ST18: variants seen among roughly 807,000 people sequenced by gnomAD.
The protein encoded by ST18 is suppression of tumorigenicity 18 protein.
Under a neutral mutation model 110.0 loss-of-function variants are expected in ST18, and 50 were observed. The observed-to-expected ratio is 0.45, with a 90% confidence interval of 0.36 to 0.58. ST18 has a LOEUF of 0.58. Ranked by LOEUF, ST18 falls within the 20% of genes least tolerant of loss-of-function variation. The probability of loss-of-function intolerance (pLI) is 0.00; values close to 1 mark genes in which losing one functional copy is unlikely to be tolerated. For synonymous variants in ST18, 461 were observed against 452.4 expected (o/e 1.02, Z -0.24); for missense variants, 1,306 against 1,280.1 (o/e 1.02, Z -0.31).
intron 2 of ST18, among the ~76,000 whole-genome samples, chr8:52,385,310 T>C (rs553362169): frequency 6.6e-6 from 1 of 152,156 alleles, no homozygotes; most frequent in East Asian, 1.9e-4. Flanking sequence ...GCATGAGAGA[T>C]GAAACGACAA....
At chr8:52,300,469 C>T (rs559239443) in intron 2 of ST18, among the ~76,000 whole-genome samples, 25 of 152,218 alleles carry the variant, frequency 1.6e-4, no homozygotes, top group South Asian at 4.2e-4. Flanking sequence ...CATATTTAAG[C>T]GGTTCACTCT....
chr8:52,321,908 C>A (rs886483921), intron 2 of ST18, among the ~76,000 whole-genome samples: 4 of 152,150 alleles, frequency 2.6e-5, no homozygotes, highest in African/African-American at 9.7e-5. Context: ...AGTCTTTACC[C>A]ACTAAACAGA....
chr8:52,281,945 C>T (rs2095386933), intron 2 of ST18, among the ~76,000 whole-genome samples: 1 of 152,190 alleles, frequency 6.6e-6, no homozygotes, highest in Non-Finnish European at 1.5e-5. Context: ...GTACAACGTA[C>T]ACTGCTTAGA....
chr8:52,139,544 C>T (rs533879273), intron 17 of ST18, among the ~76,000 whole-genome samples: 5 of 149,430 alleles, frequency 3.3e-5, no homozygotes, highest in East Asian at 2.0e-4. Context: ...TTAGTAGAGA[C>T]GGGGTTTCAC....
In ST18 at chr8:52,212,192, A is replaced by G. The variant is rs961992638; in HGVS notation, c.56-83T>C. 2.0e-5 allele frequency: 27 copies of G among 1,349,638 alleles called. No individual in the cohort carries two copies. In the African/African-American group the frequency reaches 3.4e-4, roughly 17 times the overall value. The allele number at this position is 1,349,638 out of a possible 1,614,324, so 83.6% of individuals were successfully genotyped here. A position where few individuals can be genotyped will look rare whatever the true frequency, so the allele number is the denominator to read the frequency against. On this transcript the variant is annotated intron_variant, in intron 7 of 25. Coordinates refer to ENST00000689386, the MANE Select transcript of ST18 (RefSeq NM_001352837.2). ...TATAATGGAAACTTTTCCCCCACCT[A>G]GAGGTAACGACCAATAAGTTTCTCA...
At chr8:52,209,451 G>A (rs2135875340) in intron 8 of ST18, among the ~76,000 whole-genome samples, 1 of 152,304 alleles carries the variant, frequency 6.6e-6, no homozygotes, top group Middle Eastern at 3.4e-3. Context: ...AAGCTCAAGA[G>A]TGTCTGGCAC....
chr8:52,174,098 T>C (rs1266045589), intron 9 of ST18, among the ~76,000 whole-genome samples: 1 of 152,184 alleles, frequency 6.6e-6, no homozygotes, highest in African/African-American at 2.4e-5. Flanking sequence ...ATGCTGATTA[T>C]AGGGTGCAGT....
At chr8:52,173,905 A>AT (rs1281243812) in intron 9 of ST18, among the ~76,000 whole-genome samples, 1 of 152,158 alleles carries the variant, frequency 6.6e-6, no homozygotes, top group Non-Finnish European at 1.5e-5. Flanking sequence ...GTCTCATTTA[A>AT]TTTTTTATAA....
intron 2 of ST18, among the ~76,000 whole-genome samples, chr8:52,265,471 G>A (rs1349805322): frequency 2.0e-5 from 3 of 152,202 alleles, no homozygotes; most frequent in Non-Finnish European, 4.4e-5. Context: ...GGAGACAGAG[G>A]GCAAGCAAGC....
chr8:52,312,729 C>T (rs2095943470), intron 2 of ST18, among the ~76,000 whole-genome samples: 1 of 152,170 alleles, frequency 6.6e-6, no homozygotes, highest in South Asian at 2.1e-4. Context: ...AGCCCAAATG[C>T]CTGGCCACAA....
At chr8:52,166,068 A>G (rs1012897770) in intron 11 of ST18, among the ~76,000 whole-genome samples, 1 of 152,162 alleles carries the variant, frequency 6.6e-6, no homozygotes, top group Non-Finnish European at 1.5e-5. Context: ...CCATTGCGAG[A>G]GGAGGCCAGG....
intron 2 of ST18, among the ~76,000 whole-genome samples, chr8:52,344,576 T>C (rs576025663): frequency 6.6e-6 from 1 of 152,058 alleles, no homozygotes; most frequent in Non-Finnish European, 1.5e-5. Flanking sequence ...AATTTTTGTA[T>C]TTTTAATAGA....
intron 2 of ST18, among the ~76,000 whole-genome samples, chr8:52,338,925 G>A (rs1282856515): frequency 6.6e-6 from 1 of 151,226 alleles, no homozygotes; most frequent in Admixed American, 6.6e-5. Flanking sequence ...TTTTTGTGCT[G>A]GGGGAGACAG....
chr8:52,116,207 G>A (rs79619736), intron 25 of ST18, 68 bp downstream of exon 25: 17,054 of 1,554,412 alleles, frequency 0.011, 143 homozygotes, highest in Non-Finnish European at 0.012. Context: ...TGGCAACCCC[G>A]TGGGTAGATG....
chr8:52,326,906 C>A (rs1424145374), intron 2 of ST18, among the ~76,000 whole-genome samples: 2 of 152,154 alleles, frequency 1.3e-5, no homozygotes, highest in Admixed American at 6.5e-5. Context: ...TGACAGCCTG[C>A]AAAGAGTCCA....
intron 2 of ST18, among the ~76,000 whole-genome samples, chr8:52,362,743 A>G (rs1052245536): frequency 3.3e-5 from 5 of 152,172 alleles, no homozygotes; most frequent in African/African-American, 1.2e-4. Context: ...AAACTTAAGT[A>G]TTTGGTAGAT....
intron 2 of ST18, among the ~76,000 whole-genome samples, chr8:52,304,694 G>C (rs1181044212): frequency 6.6e-6 from 1 of 152,090 alleles, no homozygotes; most frequent in Non-Finnish European, 1.5e-5. Flanking sequence ...CATAAACTGG[G>C]TAGTTTAGAC....
chr8:52,197,165 T>C (rs1301548351), intron 8 of ST18, among the ~76,000 whole-genome samples: 1 of 152,190 alleles, frequency 6.6e-6, no homozygotes, highest in African/African-American at 2.4e-5. Context: ...GATTGTAAAA[T>C]ACTTAGAAAA....
chr8:52,232,488 A>G lies in ST18; in HGVS notation c.-464-2411T>C, dbSNP rs969450683. Among the ~76,000 whole-genome samples the G allele has an allele frequency of 6.6e-5, 10 of 152,206 alleles. No individual in the cohort carries two copies. The South Asian group carries it at 8.3e-4, about 13-fold the overall frequency. ...TATGCAAATTTCCTTGAGACATTCA[A>G]TATTTTTATCAGCCCTAGTAAATTC... On this transcript the variant is annotated intron_variant, in intron 2 of 25. Transcript: ENST00000689386.
Sources: gnomAD v4.1 joint callset for allele counts (sites outside exome capture counted in the v4.1 genomes callset) on GRCh38, gnomAD v4.1.1 for gene constraint, MANE v1.5 for transcripts, NCBI Gene and HGNC (gene_info 2026-07-23, HGNC 2026-07-21) for gene names.